Variants in MED12L observed in about 807,000 individuals in gnomAD.
The protein encoded by MED12L is mediator complex subunit 12L, also known as mediator of RNA polymerase II transcription subunit 12-like protein.
MED12L carries 60 observed loss-of-function variants against 281.3 expected under a neutral mutation model. That is an observed-to-expected ratio of 0.21 (90% confidence interval 0.17 to 0.26). The LOEUF (loss-of-function observed/expected upper bound fraction) is 0.26, where lower values mean the gene tolerates loss of function less well. Ranked by LOEUF, MED12L falls within the 10% of genes least tolerant of loss-of-function variation. The probability of loss-of-function intolerance (pLI) is 1.00; values close to 1 mark genes in which losing one functional copy is unlikely to be tolerated. For synonymous variants in MED12L, 974 were observed against 987.2 expected (o/e 0.99, Z 0.25); for missense variants, 2,146 against 2,680.9 (o/e 0.80, Z 4.41).
At chr3:151,226,875 A>G (rs1730599578) in intron 16 of MED12L, among the ~76,000 whole-genome samples, 2 of 152,222 alleles carry the variant, frequency 1.3e-5, no homozygotes, top group Admixed American at 6.5e-5. Context: ...ACTATCATGA[A>G]TGGTGATTAC....
intron 38 of MED12L, among the ~76,000 whole-genome samples, chr3:151,393,168 AAC>A (rs1161164009): frequency 6.6e-6 from 1 of 152,204 alleles, no homozygotes; most frequent in Admixed American, 6.5e-5. Flanking sequence ...GGGAGAAAGG[AAC>A]ACAGAATCAC....
intron 31 of MED12L, among the ~76,000 whole-genome samples, chr3:151,378,981 G>A (rs1711717270): frequency 6.6e-6 from 1 of 152,196 alleles, no homozygotes; most frequent in African/African-American, 2.4e-5. Flanking sequence ...TGTTGAAACA[G>A]ACACTTAAAG....
chr3:151,413,523 A>G lies in MED12L; in HGVS notation c.6297+228A>G, dbSNP rs566169260. Among the ~76,000 whole-genome samples the G allele has an allele frequency of 3.8e-4, 58 of 152,294 alleles. 2 individuals are homozygous for G. In the South Asian group the frequency reaches 0.012, roughly 30 times the overall value. On this transcript the variant is annotated intron_variant, in intron 42 of 44. Coordinates refer to ENST00000687756, the MANE Select transcript of MED12L (RefSeq NM_001393769.1). ...GGCAGAAGAGTACGTTTTGCAGAAC[A>G]TTCTTCCCATTTCACAAAGGTTTGG...
intron 27 of MED12L, among the ~76,000 whole-genome samples, chr3:151,374,947 A>T (rs994327293): frequency 6.6e-6 from 1 of 152,230 alleles, no homozygotes; most frequent in Non-Finnish European, 1.5e-5. Context: ...AAAAAAAGTG[A>T]CATACCTTAT....
chr3:151,358,228 TATGAA>T (rs1356650115), intron 20 of MED12L, among the ~76,000 whole-genome samples: 1 of 152,178 alleles, frequency 6.6e-6, no homozygotes, highest in African/African-American at 2.4e-5. Context: ...AATTACATGT[TATGAA>T]ATGAAATCTG....
In MED12L at chr3:151,269,416, C is replaced by G. The variant is rs1740451548; in HGVS notation, c.2250+75750C>G. On this transcript the variant is annotated intron_variant, in intron 16 of 44. Transcript: ENST00000687756. ...ACTCCATCACACACACACACACACA[C>G]ACACACACACACACACACACACACA... 24 of 194,220 alleles carry G rather than the reference C, an allele frequency of 1.2e-4. No individual in the cohort carries two copies. In the South Asian group the frequency reaches 2.4e-3, roughly 19 times the overall value. The allele number at this position is 194,220 out of a possible 1,614,324, so 12.0% of individuals were successfully genotyped here.
At position 151,256,032 on chromosome 3, in the gene MED12L, A is replaced by G. The variant is rs1265268155; in HGVS notation, c.2250+62366A>G. ...ACTATGACAGGCTAATTGTTCCTTT[A>G]CAATGCTTTCAAAACTGCATGGTTC... On this transcript the variant is annotated intron_variant, in intron 16 of 44. Transcript: ENST00000687756. Among the ~76,000 whole-genome samples the G allele has an allele frequency of 3.3e-5, 5 of 152,280 alleles. No individual in the cohort carries two copies. In the South Asian group the frequency reaches 1.0e-3, roughly 32 times the overall value.
chr3:151,265,659 T>A (rs1739688821), intron 16 of MED12L, among the ~76,000 whole-genome samples: 2 of 152,194 alleles, frequency 1.3e-5, no homozygotes, highest in South Asian at 4.1e-4. Flanking sequence ...GAGTAGGTTT[T>A]AAAATGTTTC....
Position 151,418,026 on chromosome 3 carries a change from A to G in MED12L, c.6408+1604A>G, listed in dbSNP as rs138301420. Among the ~76,000 whole-genome samples the G allele has an allele frequency of 1.1e-3, 163 of 152,278 alleles. 1 individual carries two copies. The East Asian group carries it at 0.026, about 25-fold the overall frequency. ...GTTAGCTGAGTCTAGTGTCCCGTACAAGAACGAGATACACCTTTTGTTTTG... is the reference window on the plus strand; with the variant it reads ...GTTAGCTGAGTCTAGTGTCCCGTACGAGAACGAGATACACCTTTTGTTTTG... On this transcript the variant is annotated intron_variant, in intron 43 of 44. Coordinates refer to ENST00000687756, the MANE Select transcript of MED12L (RefSeq NM_001393769.1).
chr3:151,318,409 A>G (rs1748571532), intron 16 of MED12L, among the ~76,000 whole-genome samples: 1 of 150,100 alleles, frequency 6.7e-6, no homozygotes, highest in African/African-American at 2.5e-5. Context: ...CAGAAGGGTT[A>G]TGCTATGCAG....
chr3:151,314,496 A>G (rs888948615), intron 16 of MED12L, among the ~76,000 whole-genome samples: 1 of 152,192 alleles, frequency 6.6e-6, no homozygotes, highest in South Asian at 2.1e-4. Context: ...AGTTACAAGT[A>G]TAAGAACTGC....
rs570499585 is a variant in MED12L, at chr3:151,416,428, G to T, written c.6408+6G>T. On this transcript the variant is annotated splice_donor_region_variant and intron_variant, in intron 43 of 44. Coordinates refer to ENST00000687756, the MANE Select transcript of MED12L (RefSeq NM_001393769.1). ...TGCAGCCCCAGCAGCCCTTGGTAAGGCCTGTTGTTTTGGAATCAGACATGT... is the reference window on the plus strand; with the variant it reads ...TGCAGCCCCAGCAGCCCTTGGTAAGTCCTGTTGTTTTGGAATCAGACATGT... 7.4e-6 allele frequency: 12 copies of T among 1,613,356 alleles called. No individual in the cohort carries two copies. The highest frequency in any genetic ancestry group is 1.1e-5 in the South Asian group (1 of 90,960).
At chr3:151,151,421 C>T (rs992598323) in intron 5 of MED12L, among the ~76,000 whole-genome samples, 1 of 151,988 alleles carries the variant, frequency 6.6e-6, no homozygotes, top group African/African-American at 2.4e-5. Context: ...TTGCTTCTGG[C>T]CTGTCTTGGC....
In MED12L at chr3:151,436,211, A is replaced by G. The variant is rs1394282185; in HGVS notation, c.*3407A>G. On this transcript the variant is annotated 3_prime_UTR_variant, in exon 45 of 45. Coordinates refer to ENST00000687756, the MANE Select transcript of MED12L (RefSeq NM_001393769.1). ...AGACAGTTCAGTGCTTATTTTCTGT[A>G]GGTTTTAGCAAAAAAATTTATAAAC... is the stretch of plus-strand genomic sequence containing the variant. 3.3e-5 allele frequency: 5 copies of G among 153,832 alleles called. No homozygotes were observed. The highest frequency in any genetic ancestry group is 2.4e-5 in the African/African-American group (1 of 41,450). 9.5% of individuals were successfully genotyped at this position (153,832 alleles called of 1,614,324 possible). A position where few individuals can be genotyped will look rare whatever the true frequency, so the allele number is the denominator to read the frequency against.
intron 16 of MED12L, among the ~76,000 whole-genome samples, chr3:151,286,467 A>C (rs529946979): frequency 6.6e-6 from 1 of 152,354 alleles, no homozygotes; most frequent in South Asian, 2.1e-4. Context: ...AGCAATAGGC[A>C]CTAACTCAGA....
chr3:151,162,362 A>G (rs1235842781), intron 8 of MED12L, among the ~76,000 whole-genome samples: 1 of 152,202 alleles, frequency 6.6e-6, no homozygotes, highest in African/African-American at 2.4e-5. Context: ...GGTTTCCACA[A>G]AGATGTCTCC....
In MED12L at chr3:151,164,022, A is replaced by G. The variant is rs1361728734; in HGVS notation, c.1237A>G (p.Asn413Asp). ...GTCCAGCCTCCCCATGCCGGGTGGGAACACGGCTTTCAATCAGCAGGTAGA... is the reference window on the plus strand; with the variant it reads ...GTCCAGCCTCCCCATGCCGGGTGGGGACACGGCTTTCAATCAGCAGGTAGA... ...APSSLPMPGG[N>D]TAFNQQVRAR... is the part of the protein sequence containing the mutation. The change falls in exon 9 of 45, where the codon AAC becomes GAC. Residue 413 changes from asparagine (N) to aspartate (D), a missense_variant. Coordinates refer to ENST00000687756, the MANE Select transcript of MED12L (RefSeq NM_001393769.1). 6.2e-7 allele frequency: 1 copy of G among 1,613,404 alleles called. No homozygotes were observed. Among genetic ancestry groups the G allele is most frequent in the Non-Finnish European group, 8.5e-7 (1 of 1,179,636 alleles).
chr3:151,206,294 C>T (rs1220244254), intron 16 of MED12L, among the ~76,000 whole-genome samples: 1 of 151,354 alleles, frequency 6.6e-6, no homozygotes, highest in African/African-American at 2.4e-5. Context: ...ATGGAGAATA[C>T]ATGTTTGGAA....
intron 5 of MED12L, among the ~76,000 whole-genome samples, chr3:151,138,242 C>G (rs76872987): frequency 2.5e-5 from 3 of 119,652 alleles, no homozygotes; most frequent in African/African-American, 7.4e-5. Flanking sequence ...TTTGTGGCCT[C>G]TTAGTCCTTC....
Sources: allele counts gnomAD v4.1 joint callset (sites outside exome capture counted in the v4.1 genomes callset), GRCh38; gene constraint gnomAD v4.1.1; transcripts MANE v1.5; gene names NCBI Gene and HGNC (gene_info 2026-07-23, HGNC 2026-07-21).